The following VPS13A variants were observed in gnomAD, a reference collection of about 807,000 sequenced individuals.
VPS13A encodes the protein intermembrane lipid transfer protein VPS13A.
VPS13A carries 264 observed loss-of-function variants against 390.9 expected under a neutral mutation model. That is an observed-to-expected ratio of 0.68 (90% CI 0.61 to 0.75). The LOEUF (loss-of-function observed/expected upper bound fraction) is 0.75, where lower values mean the gene tolerates loss of function less well. Ranked by LOEUF, VPS13A falls within the 30% of genes least tolerant of loss-of-function variation. The pLI is 0.00. For missense variants in VPS13A, 3,409 were observed against 3,733.9 expected (o/e 0.91, Z 2.27); for synonymous variants, 1,231 against 1,227.1 (o/e 1.00, Z -0.07).
chr9:77,182,537 G>A (rs1027146562), intron 1 of VPS13A, among the ~76,000 whole-genome samples: 4 of 152,070 alleles, frequency 2.6e-5, no homozygotes, highest in Non-Finnish European at 4.4e-5. Flanking sequence ...ATGACACTGG[G>A]GACTTGATGC....
chr9:77,217,090 A>C (rs1302162172), intron 10 of VPS13A, among the ~76,000 whole-genome samples: 2 of 152,184 alleles, frequency 1.3e-5, no homozygotes, highest in Non-Finnish European at 2.9e-5. Flanking sequence ...AATTGAGTTG[A>C]CAGTCAATAT....
At position 77,343,954 on chromosome 9, in the gene VPS13A, C is replaced by T. The variant is rs572150078; in HGVS notation, c.7027-199C>T. Among the ~76,000 whole-genome samples the T allele has an allele frequency of 2.6e-5, 4 of 152,320 alleles. No individual in the cohort carries two copies. The South Asian group carries it at 6.2e-4, about 24-fold the overall frequency. On this transcript the variant is annotated intron_variant, in intron 50 of 71. Transcript: ENST00000360280. ...CTCTTCAATTTGCTATCCACTGCTT[C>T]TTGAATGCATAGTGCTGACAAGTGA...
chr9:77,340,605 G>T (rs1830759061), intron 50 of VPS13A, 55 bp downstream of exon 50: 5 of 1,600,070 alleles, frequency 3.1e-6, no homozygotes, highest in Non-Finnish European at 4.3e-6. Flanking sequence ...TCTCCTTGAA[G>T]TTAGATACCT....
At chr9:77,381,406 T>C (rs1270060749) in intron 67 of VPS13A, among the ~76,000 whole-genome samples, 1 of 152,212 alleles carries the variant, frequency 6.6e-6, no homozygotes, top group Non-Finnish European at 1.5e-5. Context: ...GAAAACTATA[T>C]AATGTGATTT....
chr9:77,290,480 C>T (rs1827584905), intron 31 of VPS13A, among the ~76,000 whole-genome samples: 1 of 152,054 alleles, frequency 6.6e-6, no homozygotes, highest in Non-Finnish European at 1.5e-5. Flanking sequence ...TTCTTTGCCT[C>T]TGTCTCCCTT....
At chr9:77,372,456 A>G (rs1832827218) in intron 67 of VPS13A, among the ~76,000 whole-genome samples, 2 of 151,942 alleles carry the variant, frequency 1.3e-5, no homozygotes, top group Admixed American at 6.6e-5. Context: ...AAAAACTCTC[A>G]ATAAATTAGG....
At chr9:77,191,699 T>A (rs889748492) in intron 1 of VPS13A, among the ~76,000 whole-genome samples, 2 of 152,192 alleles carry the variant, frequency 1.3e-5, no homozygotes, top group Admixed American at 6.5e-5. Context: ...TTTTGAGAGA[T>A]CTTCTTGGTA....
intron 17 of VPS13A, among the ~76,000 whole-genome samples, chr9:77,235,784 A>G (rs184140013): frequency 2.0e-5 from 3 of 152,132 alleles, no homozygotes; most frequent in East Asian, 3.9e-4. Flanking sequence ...TTCAAGTTTG[A>G]TGATTCTTTC....
rs1006585925 is a variant in VPS13A, at chr9:77,421,153, ATTCT to A, written c.*5154_*5157del. 6.6e-6 allele frequency: 1 copy of A among 152,180 alleles called. No individual in the cohort carries two copies. Among genetic ancestry groups the A allele is most frequent in the Non-Finnish European group, 1.5e-5 (1 of 68,024 alleles). The allele number at this position is 152,180 out of a possible 1,614,324, so 9.4% of individuals were successfully genotyped here. Reference sequence around the variant, plus strand: ...TAGCCTGTGCTGCTTTGGAATGCTTATTCTTTCTTTGATGAAAATACGGTCATTG... The same window carrying A: ...TAGCCTGTGCTGCTTTGGAATGCTTATTCTTTGATGAAAATACGGTCATTG... On this transcript the variant is annotated 3_prime_UTR_variant, in exon 72 of 72. Coordinates refer to ENST00000360280, the MANE Select transcript of VPS13A (RefSeq NM_033305.3).
chr9:77,411,472 G>A (rs1430582928), intron 71 of VPS13A, among the ~76,000 whole-genome samples: 2 of 151,784 alleles, frequency 1.3e-5, no homozygotes, highest in African/African-American at 2.4e-5. Flanking sequence ...CACCATCCTG[G>A]CTAACATGGT....
chr9:77,227,606 A>AG, intron 16 of VPS13A, 121 bp downstream of exon 16: 2 of 757,850 alleles, frequency 2.6e-6, no homozygotes, highest in Non-Finnish European at 4.4e-6. Flanking sequence ...GCCAGCCTTA[A>AG]CCTGGCCTCA....
intron 67 of VPS13A, among the ~76,000 whole-genome samples, chr9:77,373,347 C>G (rs1035210193): frequency 6.9e-6 from 1 of 144,546 alleles, no homozygotes; most frequent in African/African-American, 2.5e-5. Flanking sequence ...CTACAACTAT[C>G]TGATCTTTGA....
intron 26 of VPS13A, among the ~76,000 whole-genome samples, chr9:77,278,537 A>G (rs922627644): frequency 6.6e-6 from 1 of 152,220 alleles, no homozygotes; most frequent in Non-Finnish European, 1.5e-5. Flanking sequence ...TTTCTTGCAC[A>G]AAGTAAATGA....
At chr9:77,321,041 G>C (rs972365368) in intron 42 of VPS13A, 128 bp from the exon 43 acceptor site, 1 of 826,880 alleles carries the variant, frequency 1.2e-6, no homozygotes, top group African/African-American at 1.7e-5. Flanking sequence ...ATTTCAATAA[G>C]GCAATAGAAC....
At chr9:77,200,942 A>T (rs113528560) in intron 2 of VPS13A, among the ~76,000 whole-genome samples, 2 of 152,158 alleles carry the variant, frequency 1.3e-5, no homozygotes, top group Admixed American at 1.3e-4. Flanking sequence ...AGCACCATTT[A>T]TTTAAAAGGC....
rs1237733021 is a variant in VPS13A, at chr9:77,366,843, A to C, written c.8442A>C (p.Thr2814=). ...LNLLLKSIGA[T]LTDVQDVVFK... is the part of the protein sequence containing the mutation. ...TTTTGCTGAAGAGTATTGGTGCCAC[A>C]CTGACAGATGTACAAGATGTAGTTT... The change falls in exon 61 of 72, where the codon ACA becomes ACC. Residue 2814 remains threonine (T), a synonymous_variant. Coordinates refer to ENST00000360280, the MANE Select transcript of VPS13A (RefSeq NM_033305.3). 6.2e-7 allele frequency: 1 copy of C among 1,613,202 alleles called. No homozygotes were observed. The highest frequency in any genetic ancestry group is 1.3e-5 in the African/African-American group (1 of 74,916).
intron 68 of VPS13A, among the ~76,000 whole-genome samples, chr9:77,386,798 C>T (rs1255203239): frequency 6.6e-6 from 1 of 151,320 alleles, no homozygotes; most frequent in African/African-American, 2.4e-5. Context: ...AACTCCACCT[C>T]CTGGGTTCAC....
chr9:77,367,491 A>G (rs1209996138), intron 61 of VPS13A, among the ~76,000 whole-genome samples: 1 of 152,232 alleles, frequency 6.6e-6, no homozygotes, highest in Non-Finnish European at 1.5e-5. Flanking sequence ...TAAGTGTCAA[A>G]TAAAAGTACA....
rs1308532562 is a variant in VPS13A, at chr9:77,420,850, A to G, written c.*4844A>G. The stretch of plus-strand genomic sequence containing the variant: ...TTATGCCGTCATACCTCCGGTGTTC[A>G]GTTTGTTACTCAAAAGTTCCCAGTT... On this transcript the variant is annotated 3_prime_UTR_variant, in exon 72 of 72. Coordinates refer to ENST00000360280, the MANE Select transcript of VPS13A (RefSeq NM_033305.3). 7.2e-5 allele frequency: 11 copies of G among 152,220 alleles called. No individual in the cohort carries two copies. The East Asian group carries it at 2.1e-3, about 29-fold the overall frequency. 9.4% of individuals were successfully genotyped at this position (152,220 alleles called of 1,614,324 possible).
Sources: allele counts gnomAD v4.1 joint callset (sites outside exome capture counted in the v4.1 genomes callset), GRCh38; gene constraint gnomAD v4.1.1; transcripts MANE v1.5; gene names NCBI Gene and HGNC (gene_info 2026-07-23, HGNC 2026-07-21).